The following RABGAP1L variants were observed in gnomAD, a reference collection of about 807,000 sequenced individuals.
The protein encoded by RABGAP1L is RAB GTPase activating protein 1 like, also known as rab GTPase-activating protein 1-like.
Under a neutral mutation model 137.7 loss-of-function variants are expected in RABGAP1L, and 63 were observed. The ratio of observed to expected loss-of-function variants is 0.46; its 90% CI spans 0.37 to 0.56. RABGAP1L has a LOEUF of 0.56. Among genes scored for constraint, RABGAP1L ranks in the 20% least tolerant of loss-of-function variants. RABGAP1L has a pLI of 0.00. For synonymous variants in RABGAP1L, 431 were observed against 433.7 expected (o/e 0.99, Z 0.08); for missense variants, 1,095 against 1,244.0 (o/e 0.88, Z 1.80).
chr1:174,767,688 A>T lies in RABGAP1L; in HGVS notation c.2211+15334A>T, dbSNP rs567487539. Among the ~76,000 whole-genome samples the T allele has an allele frequency of 1.2e-4, 19 of 152,292 alleles. No homozygotes were observed. In the South Asian group the frequency reaches 1.9e-3, roughly 15 times the overall value. On this transcript the variant is annotated intron_variant, in intron 18 of 25. Transcript: ENST00000681986. The stretch of plus-strand genomic sequence containing the variant: ...CCTTGTTGAACTCATTTTCAGCTTT[A>T]ATATTCATGTATGTGTATTGTGTGT...
intron 11 of RABGAP1L, among the ~76,000 whole-genome samples, chr1:174,326,281 T>C (rs945209368): frequency 3.9e-5 from 6 of 152,214 alleles, no homozygotes; most frequent in Non-Finnish European, 8.8e-5. Context: ...AAATAGTTCT[T>C]TGAGTAAAAC....
At chr1:174,596,713 A>G (rs1042734949) in intron 13 of RABGAP1L, among the ~76,000 whole-genome samples, 2 of 152,058 alleles carry the variant, frequency 1.3e-5, no homozygotes, top group African/African-American at 4.8e-5. Flanking sequence ...TTATTTCTTT[A>G]TCTTATCTGA....
intron 12 of RABGAP1L, among the ~76,000 whole-genome samples, chr1:174,380,338 G>C (rs971578014): frequency 1.3e-5 from 2 of 151,972 alleles, no homozygotes; most frequent in African/African-American, 4.8e-5. Context: ...TTTTTCTATT[G>C]ATTGGAATAG....
intron 19 of RABGAP1L, among the ~76,000 whole-genome samples, chr1:174,837,207 CAAA>C (rs35135708): frequency 2.9e-5 from 4 of 139,114 alleles, no homozygotes; most frequent in Non-Finnish European, 3.2e-5. Context: ...AACTCGGTCT[CAAA>C]AAAAAAAAAA....
At chr1:174,838,775 G>A (rs1054450511) in intron 19 of RABGAP1L, among the ~76,000 whole-genome samples, 1 of 151,410 alleles carries the variant, frequency 6.6e-6, no homozygotes, top group Admixed American at 6.6e-5. Context: ...AAATTAGCCG[G>A]GCTTGCTGGC....
At chr1:174,185,144 C>T (rs1666704365) in intron 1 of RABGAP1L, among the ~76,000 whole-genome samples, 1 of 152,196 alleles carries the variant, frequency 6.6e-6, no homozygotes, top group South Asian at 2.1e-4. Flanking sequence ...TCTGTCAGTG[C>T]TCTCTGCTAT....
rs558717487 is a variant in RABGAP1L at position 174,264,067 on chromosome 1, AT to A, written c.987-8337del. On this transcript the variant is annotated intron_variant, in intron 7 of 25. Transcript: ENST00000681986. ...AGAGGGAGGAAGACTTAAAAATGTT[AT>A]TTTTTTTTTAGTAGGACTTTAAGCA... Among the ~76,000 whole-genome samples, 24 of 148,636 alleles carry A rather than the reference AT, an allele frequency of 1.6e-4. No individual in the cohort carries two copies. The East Asian group carries it at 2.4e-3, about 15-fold the overall frequency.
At chr1:174,692,436 G>C (rs1055436667) in intron 15 of RABGAP1L, among the ~76,000 whole-genome samples, 1 of 152,210 alleles carries the variant, frequency 6.6e-6, no homozygotes, top group East Asian at 1.9e-4. Flanking sequence ...GTGCTATAGA[G>C]TATATCCCAA....
intron 13 of RABGAP1L, among the ~76,000 whole-genome samples, chr1:174,501,869 A>G (rs1310268697): frequency 6.6e-6 from 1 of 151,112 alleles, no homozygotes; most frequent in Non-Finnish European, 1.5e-5. Context: ...CTCTCTTTCT[A>G]GGGGAAAATA....
Position 174,451,674 on chromosome 1 carries a change from T to A in RABGAP1L, c.1710+57529T>A, listed in dbSNP as rs1655469712. On this transcript the variant is annotated intron_variant, in intron 13 of 25. Transcript: ENST00000681986. ...AAATTTTTGTACCTCTGTCTGTACC[T>A]TTTCCCTACAATATTTCTCTGAGTT... Among the ~76,000 whole-genome samples the A allele has an allele frequency of 2.0e-5, 3 of 152,162 alleles. No homozygotes were observed. The South Asian group carries it at 6.2e-4, about 31-fold the overall frequency.
At chr1:174,357,133 C>T (rs1683711645) in intron 11 of RABGAP1L, among the ~76,000 whole-genome samples, 1 of 152,194 alleles carries the variant, frequency 6.6e-6, no homozygotes, top group South Asian at 2.1e-4. Context: ...AAATTCTGCT[C>T]CCTAAGTTAA....
intron 19 of RABGAP1L, among the ~76,000 whole-genome samples, chr1:174,836,580 A>G (rs1692779251): frequency 6.6e-6 from 1 of 152,238 alleles, no homozygotes; most frequent in South Asian, 2.1e-4. Context: ...ATTTCATAGT[A>G]TCTCTTGAGG....
At chr1:174,754,442 T>G (rs1441772335) in intron 18 of RABGAP1L, among the ~76,000 whole-genome samples, 2 of 152,196 alleles carry the variant, frequency 1.3e-5, no homozygotes, top group Non-Finnish European at 2.9e-5. Context: ...ATATCAAAAT[T>G]AAAAACTTTG....
rs529253177 is a variant in RABGAP1L at position 174,196,295 on chromosome 1, C to T, written c.-33-22830C>T. The stretch of plus-strand genomic sequence containing the variant: ...CTGGAGTGCAGTGGCACGATCTTGG[C>T]TCACTGCAAGCTCTGCCTCCTGGGT... On this transcript the variant is annotated intron_variant, in intron 1 of 25. Transcript: ENST00000681986. Among the ~76,000 whole-genome samples, 8 of 150,464 alleles carry T rather than the reference C, an allele frequency of 5.3e-5. No homozygotes were observed. The South Asian group carries it at 1.0e-3, about 20-fold the overall frequency.
chr1:174,814,069 A>T (rs944188776), intron 19 of RABGAP1L, among the ~76,000 whole-genome samples: 1 of 152,134 alleles, frequency 6.6e-6, no homozygotes, highest in Non-Finnish European at 1.5e-5. Flanking sequence ...TTTTTCTCCA[A>T]TATAATTTAT....
intron 17 of RABGAP1L, among the ~76,000 whole-genome samples, chr1:174,747,423 A>C (rs939205430): frequency 1.3e-5 from 2 of 151,524 alleles, no homozygotes; most frequent in South Asian, 2.1e-4. Flanking sequence ...AAAAAAAAAA[A>C]AAACCTGATA....
intron 20 of RABGAP1L, among the ~76,000 whole-genome samples, chr1:174,961,507 T>G (rs1669083587): frequency 6.6e-6 from 1 of 152,112 alleles, no homozygotes; most frequent in Non-Finnish European, 1.5e-5. Flanking sequence ...CTTTTCTGGT[T>G]TAATTAAATA....
At chr1:174,871,261 G>A (rs1652146020) in intron 19 of RABGAP1L, among the ~76,000 whole-genome samples, 1 of 151,886 alleles carries the variant, frequency 6.6e-6, no homozygotes, top group South Asian at 2.1e-4. Flanking sequence ...AGGCTGCTGA[G>A]TAGCTGGGAT....
At chr1:174,909,705 A>G (rs1054327833) in intron 19 of RABGAP1L, among the ~76,000 whole-genome samples, 1 of 152,246 alleles carries the variant, frequency 6.6e-6, no homozygotes, top group Admixed American at 6.5e-5. Flanking sequence ...AAATATAACA[A>G]TTGAAACCTC....
Sources: gnomAD v4.1 joint callset for allele counts (sites outside exome capture counted in the v4.1 genomes callset) on GRCh38, gnomAD v4.1.1 for gene constraint, MANE v1.5 for transcripts, NCBI Gene and HGNC (gene_info 2026-07-23, HGNC 2026-07-21) for gene names.